The following SEMA3A variants were observed in gnomAD, a reference collection of about 807,000 sequenced individuals.
SEMA3A encodes semaphorin 3A, also known as semaphorin-3A.
A neutral mutation model predicts 97.9 loss-of-function variants in SEMA3A; 29 were observed. That is an observed-to-expected ratio of 0.30 (90% CI 0.22 to 0.40). SEMA3A has a LOEUF of 0.40. SEMA3A is among the 10% of genes least tolerant of loss of function. SEMA3A has a pLI of 1.00. For synonymous variants in SEMA3A, 321 were observed against 323.7 expected, an observed-to-expected ratio of 0.99 and a Z score of 0.09; for missense variants, 763 against 951.3, an observed-to-expected ratio of 0.80 and a Z score of 2.60.
At chr7:84,396,263 T>C (rs1172454521) in intron 1 of SEMA3A, among the ~76,000 whole-genome samples, 1 of 151,856 alleles carries the variant, frequency 6.6e-6, no homozygotes, top group African/African-American at 2.4e-5. Flanking sequence ...CAACATTTTA[T>C]CCTGGAAAAA....
At chr7:84,373,466 T>C (rs1803022320) in intron 1 of SEMA3A, among the ~76,000 whole-genome samples, 1 of 152,150 alleles carries the variant, frequency 6.6e-6, no homozygotes, top group Non-Finnish European at 1.5e-5. Context: ...TGGACTAAAA[T>C]AACAGATATT....
upstream of SEMA3A, among the ~76,000 whole-genome samples, chr7:84,196,647 C>T (rs753108272): frequency 2.0e-4 from 31 of 152,148 alleles, no homozygotes; most frequent in African/African-American, 7.2e-4. Flanking sequence ...CACTTTCACG[C>T]TCTAGGCAAT....
At position 84,430,419 on chromosome 7, in the gene SEMA3A, C is replaced by A. The variant is rs543263407; in HGVS notation, c.-245-58519G>T. On this transcript the variant is annotated intron_variant, in intron 1 of 3. Coordinates refer to the SEMA3A transcript ENST00000424555. ...TTAAATTCTCATAACACTTAAAAAA[C>A]CAATAGTAAACCTTTGTTGACAAAC... Among the ~76,000 whole-genome samples the A allele has an allele frequency of 2.6e-5, 4 of 151,920 alleles. No individual in the cohort carries two copies. The South Asian group carries it at 6.2e-4, about 24-fold the overall frequency.
chr7:83,991,278 G>T (rs1210751018), intron 12 of SEMA3A, among the ~76,000 whole-genome samples: 3 of 152,054 alleles, frequency 2.0e-5, no homozygotes, highest in Non-Finnish European at 4.4e-5. Context: ...GGGACAATTT[G>T]ACTTCCTCTT....
chr7:84,157,272 T>A (rs982098641), intron 1 of SEMA3A, among the ~76,000 whole-genome samples: 1 of 152,176 alleles, frequency 6.6e-6, no homozygotes, highest in African/African-American at 2.4e-5. Flanking sequence ...ACAATGCAGG[T>A]ATAACTACTA....
intron 6 of SEMA3A, among the ~76,000 whole-genome samples, chr7:84,014,921 T>C (rs1343540416): frequency 1.3e-5 from 2 of 152,170 alleles, no homozygotes; most frequent in Non-Finnish European, 2.9e-5. Flanking sequence ...CCCAACATTC[T>C]ATCTATCAGC....
At chr7:83,986,987 C>T (rs1041925194) in intron 12 of SEMA3A, among the ~76,000 whole-genome samples, 1 of 151,926 alleles carries the variant, frequency 6.6e-6, no homozygotes, top group Admixed American at 6.6e-5. Context: ...CACACACACA[C>T]ACCCACACGC....
intron 1 of SEMA3A, among the ~76,000 whole-genome samples, chr7:84,145,029 A>C (rs954025163): frequency 6.6e-6 from 1 of 152,174 alleles, no homozygotes; most frequent in Non-Finnish European, 1.5e-5. Context: ...TTTTATTTAC[A>C]TACACACACA....
chr7:84,137,932 T>C (rs755668606), intron 1 of SEMA3A, among the ~76,000 whole-genome samples: 1 of 152,126 alleles, frequency 6.6e-6, no homozygotes, highest in Non-Finnish European at 1.5e-5. Flanking sequence ...ACAGTACTTA[T>C]CTTTTAGATG....
chr7:84,227,906 TGCGTGC>T, intron 3 of SEMA3A, among the ~76,000 whole-genome samples: 1 of 151,308 alleles, frequency 6.6e-6, no homozygotes, highest in East Asian at 2.0e-4. Context: ...TGTGTGTGTG[TGCGTGC>T]GTGTGTGTGT....
At chr7:84,457,329 T>C (rs1805710594) in intron 1 of SEMA3A, among the ~76,000 whole-genome samples, 2 of 151,894 alleles carry the variant, frequency 1.3e-5, no homozygotes, top group Admixed American at 1.3e-4. Context: ...TCCTGTGCTC[T>C]CTCATGAGTA....
chr7:84,269,058 A>G (rs1800079979), intron 3 of SEMA3A, among the ~76,000 whole-genome samples: 1 of 152,014 alleles, frequency 6.6e-6, no homozygotes, highest in Admixed American at 6.6e-5. Flanking sequence ...CTTTTTAATC[A>G]TTCTCTCTCA....
intron 1 of SEMA3A, among the ~76,000 whole-genome samples, chr7:84,425,223 A>G (rs1245186208): frequency 8.4e-6 from 1 of 118,636 alleles, no homozygotes; most frequent in Non-Finnish European, 1.6e-5. Flanking sequence ...ATATATACAT[A>G]TGAATATATA....
chr7:84,451,456 C>T (rs977791708), intron 1 of SEMA3A, among the ~76,000 whole-genome samples: 2 of 152,176 alleles, frequency 1.3e-5, no homozygotes, highest in East Asian at 3.9e-4. Flanking sequence ...ATGTTTATAG[C>T]CCTAAAATAT....
chr7:84,136,686 G>A (rs1288408443), intron 1 of SEMA3A, among the ~76,000 whole-genome samples: 4 of 151,712 alleles, frequency 2.6e-5, no homozygotes, highest in African/African-American at 4.8e-5. Context: ...CATTCCCTGC[G>A]GAAATATATA....
At position 83,963,205 on chromosome 7, in the gene SEMA3A, CTCT is replaced by C. The variant is rs1291004422; in HGVS notation, c.1857_1859del (p.Glu620del). ...GATCCAGTCAGTTTCATTCCTGTAC[CTCT>C]TCTTTTCGCTCTTCATTTCGCCTCT... On this transcript the variant is annotated inframe_deletion and splice_region_variant, in exon 16 of 17. Coordinates refer to ENST00000265362, the MANE Select transcript of SEMA3A (RefSeq NM_006080.3). The C allele has an allele frequency of 1.2e-6, 2 of 1,612,770 alleles. No individual in the cohort carries two copies.
chr7:84,274,948 A>C lies in SEMA3A; in HGVS notation c.-83+32259T>G, dbSNP rs966158779. Among the ~76,000 whole-genome samples the C allele has an allele frequency of 3.9e-5, 6 of 151,970 alleles. No individual in the cohort carries two copies. In the East Asian group the frequency reaches 1.2e-3, roughly 29 times the overall value. On this transcript the variant is annotated intron_variant, in intron 3 of 3. Transcript: ENST00000424555. ...ATCTGTAGGTATGATCCTTACTTGG[A>C]GCCAAGTCCACCATGAACTATAGGG...
intron 1 of SEMA3A, among the ~76,000 whole-genome samples, chr7:84,389,702 T>C (rs1169866614): frequency 6.6e-6 from 1 of 152,114 alleles, no homozygotes; most frequent in Non-Finnish European, 1.5e-5. Flanking sequence ...AAAGTAGCCA[T>C]TGTAGGGAAA....
At chr7:84,446,603 T>G (rs1341255477) in intron 1 of SEMA3A, among the ~76,000 whole-genome samples, 2 of 152,104 alleles carry the variant, frequency 1.3e-5, no homozygotes, top group South Asian at 4.1e-4. Context: ...TTGACAAAAT[T>G]TAACATTACT....
Sources: gnomAD v4.1 joint callset for allele counts (sites outside exome capture counted in the v4.1 genomes callset) on GRCh38, gnomAD v4.1.1 for gene constraint, MANE v1.5 for transcripts, NCBI Gene and HGNC (gene_info 2026-07-23, HGNC 2026-07-21) for gene names.